The following CADM1 variants were observed in gnomAD, a reference collection of about 807,000 sequenced individuals.
CADM1 encodes the protein TSLC-1.
A neutral mutation model predicts 53.1 loss-of-function variants in CADM1; 15 were observed. That is an observed-to-expected ratio of 0.28 (90% CI 0.19 to 0.44). The LOEUF is 0.44. CADM1 is among the 20% of genes least tolerant of loss of function. CADM1 has a pLI of 1.00. For synonymous variants in CADM1, 281 were observed against 243.0 expected (o/e 1.16, Z -1.45); for missense variants, 434 against 611.3 (o/e 0.71, Z 3.06).
At chr11:115,406,222 T>G (rs1947308881) in intron 1 of CADM1, among the ~76,000 whole-genome samples, 1 of 152,038 alleles carries the variant, frequency 6.6e-6, no homozygotes, top group Non-Finnish European at 1.5e-5. Context: ...AAATACTTCC[T>G]CCCTCATTAT....
chr11:115,492,283 A>C (rs1949513749), intron 1 of CADM1, among the ~76,000 whole-genome samples: 1 of 152,164 alleles, frequency 6.6e-6, no homozygotes, highest in African/African-American at 2.4e-5. Flanking sequence ...TATTTTCAAA[A>C]GGAAAAATTG....
intron 1 of CADM1, among the ~76,000 whole-genome samples, chr11:115,415,544 A>G (rs1233972591): frequency 6.6e-6 from 1 of 152,110 alleles, no homozygotes; most frequent in Non-Finnish European, 1.5e-5. Flanking sequence ...ATTTTTAAAA[A>G]GACTGATTCT....
intron 1 of CADM1, among the ~76,000 whole-genome samples, chr11:115,406,494 CAA>C (rs1947315720): frequency 6.8e-6 from 1 of 147,716 alleles, no homozygotes; most frequent in African/African-American, 2.5e-5. Flanking sequence ...ATCTGCATTA[CAA>C]AATATTTATA....
At chr11:115,452,149 G>A (rs1247111139) in intron 1 of CADM1, among the ~76,000 whole-genome samples, 1 of 50,278 alleles carries the variant, frequency 2.0e-5, no homozygotes, top group African/African-American at 8.9e-5. Flanking sequence ...CCAGCGGGGT[G>A]GGGTGGTGGG....
At chr11:115,299,756 A>G (rs1467934305) in intron 1 of CADM1, among the ~76,000 whole-genome samples, 1 of 152,118 alleles carries the variant, frequency 6.6e-6, no homozygotes, top group Non-Finnish European at 1.5e-5. Context: ...CAACATTGTA[A>G]TCAGTCTCTT....
At chr11:115,188,246 G>A (rs1401021009) in intron 10 of CADM1, among the ~76,000 whole-genome samples, 1 of 152,200 alleles carries the variant, frequency 6.6e-6, no homozygotes. Flanking sequence ...GGAAAGAGCA[G>A]ATGTAATTGA....
intron 1 of CADM1, among the ~76,000 whole-genome samples, chr11:115,356,235 TTATATTATA>T (rs1310175616): frequency 2.7e-5 from 4 of 148,352 alleles, no homozygotes; most frequent in Non-Finnish European, 4.5e-5. Context: ...TTATATGATT[TTATATTATA>T]TATATTATAT....
At chr11:115,219,017 C>A (rs1464491734) in intron 5 of CADM1, among the ~76,000 whole-genome samples, 3 of 152,054 alleles carry the variant, frequency 2.0e-5, no homozygotes, top group Non-Finnish European at 4.4e-5. Context: ...ATCCCTAAAT[C>A]GGTTTTCTCA....
At chr11:115,361,021 T>A (rs10891841) in intron 1 of CADM1, among the ~76,000 whole-genome samples, 1 of 152,188 alleles carries the variant, frequency 6.6e-6, no homozygotes, top group Admixed American at 6.5e-5. Context: ...ACATTTTGAT[T>A]AAGAACCCCC....
At chr11:115,384,909 TC>T (rs754327056) in intron 1 of CADM1, among the ~76,000 whole-genome samples, 7 of 152,326 alleles carry the variant, frequency 4.6e-5, no homozygotes, top group Admixed American at 1.3e-4. Context: ...ATTGAAACCT[TC>T]TTTGAGAGTC....
chr11:115,409,737 GAA>G (rs34048832), intron 1 of CADM1, among the ~76,000 whole-genome samples: 1 of 136,160 alleles, frequency 7.3e-6, no homozygotes, highest in African/African-American at 2.7e-5. Flanking sequence ...TAAGCTTGAA[GAA>G]AAAAAAAAAA....
chr11:115,301,441 TCAAAA>T (rs200478583), intron 1 of CADM1, among the ~76,000 whole-genome samples: 4 of 151,996 alleles, frequency 2.6e-5, no homozygotes, highest in African/African-American at 7.2e-5. Context: ...TTACTTGAAG[TCAAAA>T]CAAAACAAAA....
At chr11:115,416,734 C>CAG (rs34697392) in intron 1 of CADM1, among the ~76,000 whole-genome samples, 2 of 149,554 alleles carry the variant, frequency 1.3e-5, no homozygotes, top group Non-Finnish European at 3.0e-5. Context: ...CACACACACA[C>CAG]AGATAGATAT....
Position 115,176,457 on chromosome 11 carries a change from G to A in CADM1, c.*17C>T. 6.2e-7 allele frequency: 1 copy of A among 1,613,356 alleles called. No individual in the cohort carries two copies. Among genetic ancestry groups the A allele is most frequent in the Non-Finnish European group, 8.5e-7 (1 of 1,179,500 alleles). ...AATAGGGCCAGTTGGACACCTCATT[G>A]AAACAAAAAGGCTGATCTAGATGAA... is the stretch of plus-strand genomic sequence containing the variant. On this transcript the variant is annotated 3_prime_UTR_variant, in exon 12 of 12. Coordinates refer to ENST00000331581, the MANE Select transcript of CADM1 (RefSeq NM_001301043.2).
At chr11:115,228,953 T>C (rs1565311239) in intron 5 of CADM1, among the ~76,000 whole-genome samples, 160 bp downstream of exon 5, 2 of 152,242 alleles carry the variant, frequency 1.3e-5, no homozygotes, top group East Asian at 1.9e-4. Context: ...CTCTGTAATA[T>C]GGCAGTACAA....
intron 1 of CADM1, among the ~76,000 whole-genome samples, chr11:115,343,072 A>T (rs1945489534): frequency 6.6e-6 from 1 of 152,146 alleles, no homozygotes; most frequent in African/African-American, 2.4e-5. Flanking sequence ...AATGAAAATG[A>T]TTATCTTGTA....
chr11:115,223,839 T>C (rs1463808528), intron 5 of CADM1, among the ~76,000 whole-genome samples: 1 of 152,046 alleles, frequency 6.6e-6, no homozygotes, highest in Non-Finnish European at 1.5e-5. Context: ...ATCGGGGTTC[T>C]TCATTCCTTG....
In CADM1 at chr11:115,175,042, G is replaced by A; in HGVS notation, c.*1432C>T. 2.0e-6 allele frequency: 2 copies of A among 985,832 alleles called. No individual in the cohort carries two copies. The highest frequency in any genetic ancestry group is 9.4e-5 in the South Asian group (2 of 21,290). 61.1% of individuals were successfully genotyped at this position (985,832 alleles called of 1,614,324 possible). ...ATCATGCGAGGATCAGTAATTTTTG[G>A]CAGATGGTTCTTAAGGCTGAGGAAA... On this transcript the variant is annotated 3_prime_UTR_variant, in exon 12 of 12. Transcript: ENST00000331581.
In CADM1 at chr11:115,240,362, G is replaced by A. The variant is rs1311567018; in HGVS notation, c.183C>T (p.Thr61=). Residue 61 remains threonine, a synonymous_variant, in exon 2 of 12, where the codon ACC becomes ACT. Transcript: ENST00000331581. The part of the protein sequence containing the change: ...DVTVIEGEVA[T]ISCQVNKSDD... ...CACTCTTATTGACTTGGCAACTGAT[G>A]GTCGCAACCTCTCCCTCGATCACTG... The A allele has an allele frequency of 1.2e-6, 2 of 1,613,626 alleles. No homozygotes were observed. The highest frequency in any genetic ancestry group is 2.2e-5 in the East Asian group (1 of 44,820).
Sources: allele counts gnomAD v4.1 joint callset (sites outside exome capture counted in the v4.1 genomes callset), GRCh38; gene constraint gnomAD v4.1.1; transcripts MANE v1.5; gene names NCBI Gene and HGNC (gene_info 2026-07-23, HGNC 2026-07-21).